KSR2: variants seen among roughly 807,000 people sequenced by gnomAD.
The protein encoded by KSR2 is kinase suppressor of ras 2.
KSR2 carries 25 observed loss-of-function variants against 107.8 expected under a neutral mutation model. The observed-to-expected ratio is 0.23, with a 90% CI of 0.17 to 0.32. The LOEUF (loss-of-function observed/expected upper bound fraction) is 0.32. KSR2 is among the 10% of genes least tolerant of loss of function. The probability of loss-of-function intolerance (pLI) is 1.00; values close to 1 mark genes in which losing one functional copy is unlikely to be tolerated. For synonymous variants in KSR2, 480 were observed against 507.0 expected, an observed-to-expected ratio of 0.95 and a Z score of 0.71; for missense variants, 887 against 1,268.9, an observed-to-expected ratio of 0.70 and a Z score of 4.57.
chr12:117,476,518 T>A lies in KSR2; in HGVS notation c.2528A>T (p.Asp843Val). 1.2e-6 allele frequency: 2 copies of A among 1,609,092 alleles called. No homozygotes were observed. Among genetic ancestry groups the A allele is most frequent in the Non-Finnish European group, 1.7e-6 (2 of 1,177,930 alleles). ...APEIIRQLSP[D>V]TEEDKLPFSK... ...GAAGGGGAGCTTATCCTCCTCTGTGTCGGGGGACAGCTGGCGGATGATCTC... is the reference window on the plus strand; with the variant it reads ...GAAGGGGAGCTTATCCTCCTCTGTGACGGGGGACAGCTGGCGGATGATCTC... The change falls in exon 17 of 20, where the codon GAC becomes GTC. Residue 843 changes from aspartate to valine, a missense_variant. Coordinates refer to ENST00000339824, the MANE Select transcript of KSR2 (RefSeq NM_173598.6).
intron 5 of KSR2, among the ~76,000 whole-genome samples, chr12:117,607,259 T>C (rs1881326815): frequency 6.6e-6 from 1 of 152,164 alleles, no homozygotes; most frequent in Non-Finnish European, 1.5e-5. Context: ...TACAGGAAAT[T>C]CCCCTAATAA....
At chr12:117,479,595 G>A (rs1261806912) in intron 16 of KSR2, among the ~76,000 whole-genome samples, 2 of 152,164 alleles carry the variant, frequency 1.3e-5, no homozygotes, top group Middle Eastern at 3.2e-3. Flanking sequence ...ATCATCAAAT[G>A]TCCCCTGGAG....
chr12:117,557,158 C>T (rs1877757988), intron 8 of KSR2, among the ~76,000 whole-genome samples: 2 of 152,242 alleles, frequency 1.3e-5, no homozygotes, highest in South Asian at 4.1e-4. Context: ...GAGAGAGACT[C>T]CATCTCAAAA....
intron 4 of KSR2, among the ~76,000 whole-genome samples, chr12:117,721,458 A>G (rs1348778): frequency 0.44 from 67,211 of 152,020 alleles, 15,650 homozygotes; most frequent in African/African-American, 0.59. Context: ...TGGGATTTCT[A>G]CTGTTGTCCC....
intron 4 of KSR2, among the ~76,000 whole-genome samples, chr12:117,697,048 C>T (rs1485032004): frequency 1.3e-5 from 2 of 152,176 alleles, no homozygotes; most frequent in Non-Finnish European, 2.9e-5. Context: ...TTTCAATGCG[C>T]CTTTAACCAT....
At chr12:117,791,999 A>C (rs1393256922) in intron 3 of KSR2, among the ~76,000 whole-genome samples, 1 of 152,168 alleles carries the variant, frequency 6.6e-6, no homozygotes, top group Non-Finnish European at 1.5e-5. Context: ...AAGGTGAAAG[A>C]TCTGACATTC....
At chr12:117,856,602 A>G (rs1343415478) in intron 2 of KSR2, among the ~76,000 whole-genome samples, 1 of 151,772 alleles carries the variant, frequency 6.6e-6, no homozygotes, top group African/African-American at 2.4e-5. Context: ...TCAGCCTCCT[A>G]AGTAGCTAGG....
chr12:117,928,837 G>C (rs1030351926), intron 1 of KSR2, among the ~76,000 whole-genome samples: 3 of 152,020 alleles, frequency 2.0e-5, no homozygotes, highest in Non-Finnish European at 2.9e-5. Context: ...ATCCCCATGA[G>C]GTAGACATCG....
chr12:117,711,789 T>C (rs1024032371), intron 4 of KSR2, among the ~76,000 whole-genome samples: 2 of 152,190 alleles, frequency 1.3e-5, no homozygotes, highest in Non-Finnish European at 2.9e-5. Context: ...TGCCCTTAGC[T>C]CTCTGCTATA....
intron 1 of KSR2, among the ~76,000 whole-genome samples, chr12:117,872,615 T>G (rs1023605089): frequency 3.3e-5 from 5 of 152,012 alleles, no homozygotes; most frequent in Admixed American, 2.6e-4. Flanking sequence ...GAAATTCTGA[T>G]TCAGTGAATC....
chr12:117,515,504 T>A (rs1444649637), intron 14 of KSR2, among the ~76,000 whole-genome samples: 1 of 152,146 alleles, frequency 6.6e-6, no homozygotes, highest in Non-Finnish European at 1.5e-5. Context: ...GTGAGTCAAA[T>A]AGCTGAGATC....
At chr12:117,557,295 T>C (rs1288368296) in intron 8 of KSR2, among the ~76,000 whole-genome samples, 1 of 152,204 alleles carries the variant, frequency 6.6e-6, no homozygotes, top group Non-Finnish European at 1.5e-5. Context: ...CCTCTCTAGA[T>C]GGCACTTCGG....
chr12:117,940,162 C>G (rs374483111), intron 1 of KSR2, among the ~76,000 whole-genome samples: 7 of 152,136 alleles, frequency 4.6e-5, no homozygotes, highest in South Asian at 2.1e-4. Flanking sequence ...ACCACTGATT[C>G]TAAGTTGTTG....
chr12:117,869,812 T>G (rs1893593905), intron 1 of KSR2, among the ~76,000 whole-genome samples: 1 of 152,190 alleles, frequency 6.6e-6, no homozygotes, highest in Non-Finnish European at 1.5e-5. Flanking sequence ...AATAAAGCAT[T>G]TTCAGGAATA....
rs1265422353 is a variant in KSR2 at position 117,455,071 on chromosome 12, A to AGAGAGC, written c.*12127_*12128insGCTCTC. ...GAGAGAGAGAGAGAGAGAGAGAGAGAGGTCTGTAGAGCCAGAGAGGGATGC... is the reference window on the plus strand; with the variant it reads ...GAGAGAGAGAGAGAGAGAGAGAGAGAGAGAGCGGTCTGTAGAGCCAGAGAGGGATGC... On this transcript the variant is annotated 3_prime_UTR_variant, in exon 20 of 20. Transcript: ENST00000339824. 6.7e-6 allele frequency: 1 copy of AGAGAGC among 148,270 alleles called. No individual in the cohort carries two copies. Among genetic ancestry groups the AGAGAGC allele is most frequent in the East Asian group, 2.0e-4 (1 of 5,086 alleles). The allele number at this position is 148,270 out of a possible 1,614,324, so 9.2% of individuals were successfully genotyped here.
chr12:117,840,575 T>G (rs993704225), intron 3 of KSR2, among the ~76,000 whole-genome samples: 1 of 152,118 alleles, frequency 6.6e-6, no homozygotes, highest in Non-Finnish European at 1.5e-5. Context: ...TTTATATTTT[T>G]AGTGGAGACA....
At chr12:117,709,068 T>C (rs866215222) in intron 4 of KSR2, among the ~76,000 whole-genome samples, 1 of 152,056 alleles carries the variant, frequency 6.6e-6, no homozygotes, top group Middle Eastern at 3.2e-3. Flanking sequence ...GTCCTTATAA[T>C]CTCCCCATCA....
At chr12:117,930,185 C>T (rs1895657613) in intron 1 of KSR2, among the ~76,000 whole-genome samples, 1 of 152,028 alleles carries the variant, frequency 6.6e-6, no homozygotes, top group Admixed American at 6.6e-5. Context: ...AGGCACACAC[C>T]ACCCATCCAG....
chr12:117,471,588 T>C (rs1331216980), intron 17 of KSR2, among the ~76,000 whole-genome samples: 2 of 152,290 alleles, frequency 1.3e-5, no homozygotes, highest in African/African-American at 4.8e-5. Flanking sequence ...CTTGCAATGA[T>C]TCTAGGAAAT....
Sources: allele counts gnomAD v4.1 joint callset (sites outside exome capture counted in the v4.1 genomes callset), GRCh38; gene constraint gnomAD v4.1.1; transcripts MANE v1.5; gene names NCBI Gene and HGNC (gene_info 2026-07-23, HGNC 2026-07-21).